The following GRIN2A variants were observed in gnomAD, a reference collection of about 807,000 sequenced individuals.
The protein encoded by GRIN2A is glutamate receptor ionotropic, NMDA 2A.
In GRIN2A, 22 loss-of-function variants were observed where a neutral mutation model predicts 113.4. That is an observed-to-expected ratio of 0.19 (90% CI 0.14 to 0.28). The LOEUF (loss-of-function observed/expected upper bound fraction) is 0.28. GRIN2A is among the 10% of genes least tolerant of loss of function. The probability of loss-of-function intolerance (pLI) is 1.00; values close to 1 mark genes in which losing one functional copy is unlikely to be tolerated. For synonymous variants in GRIN2A, 827 were observed against 738.4 expected, an observed-to-expected ratio of 1.12 and a Z score of -1.94; for missense variants, 1,502 against 1,887.0, an observed-to-expected ratio of 0.80 and a Z score of 3.78.
At chr16:10,179,893 C>CCCAACAAAA in intron 2 of GRIN2A, 105 bp downstream of exon 2, 1 of 719,818 alleles carries the variant, frequency 1.4e-6, no homozygotes, top group Non-Finnish European at 2.4e-6. Flanking sequence ...CCCCCACCCC[C>CCCAACAAAA]ACTTCACATC....
chr16:10,072,411 G>C (rs2047771741), intron 2 of GRIN2A, among the ~76,000 whole-genome samples: 1 of 152,230 alleles, frequency 6.6e-6, no homozygotes, highest in Non-Finnish European at 1.5e-5. Flanking sequence ...TGGCTCCGAT[G>C]CCTCTCAGCT....
chr16:9,959,675 T>C (rs1240028187), intron 2 of GRIN2A, among the ~76,000 whole-genome samples: 2 of 152,174 alleles, frequency 1.3e-5, no homozygotes, highest in African/African-American at 4.8e-5. Flanking sequence ...TTTATTCGTG[T>C]ACTAATTAAA....
intron 9 of GRIN2A, among the ~76,000 whole-genome samples, chr16:9,828,794 G>T (rs1200926165): frequency 2.0e-5 from 3 of 152,126 alleles, no homozygotes; most frequent in Admixed American, 6.6e-5. Context: ...TATAAGGGAA[G>T]ATTAGTGATA....
At chr16:10,156,092 C>G (rs1020037561) in intron 2 of GRIN2A, among the ~76,000 whole-genome samples, 1 of 152,224 alleles carries the variant, frequency 6.6e-6, no homozygotes. Context: ...GGAAAACTGT[C>G]AGGCTTCCTG....
intron 2 of GRIN2A, among the ~76,000 whole-genome samples, chr16:9,993,033 TG>T (rs1451315501): frequency 6.6e-6 from 1 of 150,772 alleles, no homozygotes; most frequent in Non-Finnish European, 1.5e-5. Flanking sequence ...CTGGCAAACA[TG>T]GCAAAACCTC....
At chr16:10,099,319 T>C (rs966546867) in intron 2 of GRIN2A, among the ~76,000 whole-genome samples, 1 of 152,226 alleles carries the variant, frequency 6.6e-6, no homozygotes, top group Admixed American at 6.5e-5. Context: ...GCAAGCAGCA[T>C]TACAATTTTA....
chr16:9,979,997 G>A (rs2045860954), intron 2 of GRIN2A, among the ~76,000 whole-genome samples: 1 of 151,630 alleles, frequency 6.6e-6, no homozygotes. Context: ...TGGTAGCTCA[G>A]TCCTGTAATT....
chr16:9,825,557 T>C (rs906402157), intron 9 of GRIN2A, among the ~76,000 whole-genome samples: 1 of 152,186 alleles, frequency 6.6e-6, no homozygotes, highest in African/African-American at 2.4e-5. Flanking sequence ...CCAAGATATT[T>C]TTTCTTTTTT....
intron 2 of GRIN2A, among the ~76,000 whole-genome samples, chr16:10,002,432 T>C (rs1385837240): frequency 6.6e-6 from 1 of 152,228 alleles, no homozygotes; most frequent in Admixed American, 6.5e-5. Flanking sequence ...GGAATGGCTA[T>C]TCAGGAAGGC....
At chr16:9,970,046 G>C (rs1335013150) in intron 2 of GRIN2A, among the ~76,000 whole-genome samples, 2 of 152,294 alleles carry the variant, frequency 1.3e-5, no homozygotes, top group African/African-American at 4.8e-5. Context: ...TCACACTCTA[G>C]GTAGAGCCAA....
In GRIN2A at chr16:10,064,394, C is replaced by T. The variant is rs117415102; in HGVS notation, c.414+115604G>A. ...TCACTCCCTGGGGACTGAGGTCTTG[C>T]CTGATTCCCAAAGCCCTGCACCAGA... On this transcript the variant is annotated intron_variant, in intron 2 of 12. Transcript: ENST00000330684. Among the ~76,000 whole-genome samples the T allele has an allele frequency of 9.9e-3, 1,508 of 152,276 alleles. 14 individuals are homozygous for T. Among genetic ancestry groups the T allele is most frequent in the Middle Eastern group, 0.02 (6 of 294 alleles).
In GRIN2A at chr16:9,822,169, A is replaced by T. The variant is rs1013166701; in HGVS notation, c.2168+95T>A. ...ACCACAGTCACTCTCCAGAAATACAATGGGAGCAGATAGGAACTGAGGCAT... is the reference window on the plus strand; with the variant it reads ...ACCACAGTCACTCTCCAGAAATACATTGGGAGCAGATAGGAACTGAGGCAT... On this transcript the variant is annotated intron_variant, in intron 10 of 12. Transcript: ENST00000330684. 8.6e-6 allele frequency: 11 copies of T among 1,272,798 alleles called. No individual in the cohort carries two copies. The African/African-American group carries it at 1.3e-4, about 15-fold the overall frequency. 78.8% of individuals were successfully genotyped at this position (1,272,798 alleles called of 1,614,324 possible).
At chr16:9,836,112 T>A (rs1320416030) in intron 7 of GRIN2A, among the ~76,000 whole-genome samples, 1 of 152,230 alleles carries the variant, frequency 6.6e-6, no homozygotes, top group Non-Finnish European at 1.5e-5. Context: ...GATTTATAAG[T>A]ACTTCATATT....
intron 3 of GRIN2A, among the ~76,000 whole-genome samples, chr16:9,911,627 G>A (rs2044139502): frequency 6.6e-6 from 1 of 152,158 alleles, no homozygotes; most frequent in African/African-American, 2.4e-5. Flanking sequence ...GCCCATGAAT[G>A]TTAACAATGC....
intron 2 of GRIN2A, among the ~76,000 whole-genome samples, chr16:9,976,220 A>G (rs201556540): frequency 6.6e-6 from 1 of 152,218 alleles, no homozygotes; most frequent in East Asian, 1.9e-4. Flanking sequence ...AAACCATATC[A>G]TTAAATCCTG....
At chr16:10,043,228 C>T (rs1347606227) in intron 2 of GRIN2A, among the ~76,000 whole-genome samples, 1 of 152,150 alleles carries the variant, frequency 6.6e-6, no homozygotes, top group East Asian at 1.9e-4. Flanking sequence ...GAAACTGAGG[C>T]TTGATGCCGT....
At chr16:9,870,923 C>T (rs922974260) in intron 4 of GRIN2A, among the ~76,000 whole-genome samples, 2 of 152,198 alleles carry the variant, frequency 1.3e-5, no homozygotes, top group African/African-American at 4.8e-5. Flanking sequence ...TAGGCATGAG[C>T]CACCACGCCT....
At position 9,856,487 on chromosome 16, in the gene GRIN2A, T is replaced by C. The variant is rs2141385240; in HGVS notation, c.1123-6526A>G. Reference sequence around the variant, plus strand: ...AAAAATACAAAAAATTTGCCGGGCATGGTGGTAGGCTCCTGTAGTCCCAGC... The same window carrying C: ...AAAAATACAAAAAATTTGCCGGGCACGGTGGTAGGCTCCTGTAGTCCCAGC... On this transcript the variant is annotated intron_variant, in intron 4 of 12. Transcript: ENST00000330684. Among the ~76,000 whole-genome samples, 2 of 151,362 alleles carry C rather than the reference T, an allele frequency of 1.3e-5. 1 individual carries two copies. The highest frequency in any genetic ancestry group is 4.2e-4 in the South Asian group (2 of 4,772).
chr16:10,025,760 G>A (rs1467027524), intron 2 of GRIN2A, among the ~76,000 whole-genome samples: 4 of 152,130 alleles, frequency 2.6e-5, no homozygotes, highest in Non-Finnish European at 4.4e-5. Context: ...TCCCTATATC[G>A]GCTGGCAGAG....
Sources: allele counts gnomAD v4.1 joint callset (sites outside exome capture counted in the v4.1 genomes callset), GRCh38; gene constraint gnomAD v4.1.1; transcripts MANE v1.5; gene names NCBI Gene and HGNC (gene_info 2026-07-23, HGNC 2026-07-21).